The following FAM135B variants were observed in gnomAD, a reference collection of about 807,000 sequenced individuals.
The protein encoded by FAM135B is family with sequence similarity 135 member B.
FAM135B carries 43 observed loss-of-function variants against 127.7 expected under a neutral mutation model. The ratio of observed to expected loss-of-function variants is 0.34; its 90% confidence interval spans 0.26 to 0.43. FAM135B has a LOEUF of 0.43. Ranked by LOEUF, FAM135B falls within the 20% of genes least tolerant of loss-of-function variation. The pLI is 1.00. For missense variants in FAM135B, 1,558 were observed against 1,725.6 expected (o/e 0.90, Z 1.72); for synonymous variants, 670 against 665.1 (o/e 1.01, Z -0.11).
In FAM135B at chr8:138,241,544, CTCAGAGCTAGCAAAGATAACA is replaced by C. The variant is rs1820773529; in HGVS notation, c.669+1377_669+1397del. ...TTGCCACCAGACCTCCTGGCTGGGTCTCAGAGCTAGCAAAGATAACATCACAGGAGAGCCAGCTGAGTGCAT... is the reference window on the plus strand; with the variant it reads ...TTGCCACCAGACCTCCTGGCTGGGTCTCACAGGAGAGCCAGCTGAGTGCAT... On this transcript the variant is annotated intron_variant, in intron 7 of 19. Transcript: ENST00000395297. This position sits in a 1 kb window ranked among gnomAD's most constrained non-coding sequence, Gnocchi z 4.8. 6.6e-6 allele frequency among the ~76,000 whole-genome samples: 1 copy of C among 152,126 alleles called. No homozygotes were observed. The highest frequency in any genetic ancestry group is 1.5e-5 in the Non-Finnish European group (1 of 68,038).
intron 9 of FAM135B, among the ~76,000 whole-genome samples, chr8:138,192,343 A>C (rs1816204738): frequency 6.6e-6 from 1 of 152,208 alleles, no homozygotes; most frequent in Admixed American, 6.5e-5. Context: ...TTTGAAACAA[A>C]GATAGCAGCG....
intron 1 of FAM135B, among the ~76,000 whole-genome samples, chr8:138,402,710 A>G (rs113533570): frequency 0.019 from 2,824 of 152,328 alleles, 75 homozygotes; most frequent in African/African-American, 0.06. Flanking sequence ...TGCTGTTCTC[A>G]GTCACTATAC....
intron 1 of FAM135B, among the ~76,000 whole-genome samples, chr8:138,468,913 C>T (rs1022883347): frequency 2.0e-5 from 3 of 152,028 alleles, no homozygotes; most frequent in African/African-American, 4.8e-5. Flanking sequence ...GGCATGGTGG[C>T]GCATGCCTGT....
At chr8:138,361,277 G>A (rs951908841) in intron 2 of FAM135B, among the ~76,000 whole-genome samples, 4 of 152,066 alleles carry the variant, frequency 2.6e-5, no homozygotes, top group Non-Finnish European at 4.4e-5. Context: ...CTGCTGGTCC[G>A]TGAGCCACCA....
intron 3 of FAM135B, among the ~76,000 whole-genome samples, chr8:138,266,352 C>T (rs1004964266): frequency 3.9e-5 from 6 of 152,018 alleles, no homozygotes; most frequent in African/African-American, 1.4e-4. Context: ...ATGTGCTAAT[C>T]CTATTATGCT....
At chr8:138,444,700 G>C (rs2131561149) in intron 1 of FAM135B, among the ~76,000 whole-genome samples, 1 of 152,126 alleles carries the variant, frequency 6.6e-6, no homozygotes, top group East Asian at 1.9e-4. Flanking sequence ...GAGAAAGCAG[G>C]AAAGATCTAA....
intron 1 of FAM135B, among the ~76,000 whole-genome samples, chr8:138,464,574 T>C (rs1025313919): frequency 7.2e-5 from 11 of 152,124 alleles, no homozygotes; most frequent in African/African-American, 1.2e-4. Flanking sequence ...ACAAAGTGTA[T>C]ATTCTAAGAA....
Position 138,367,858 on chromosome 8 carries a change from A to AC in FAM135B, c.77+48dup, listed in dbSNP as rs746975831. On this transcript the variant is annotated intron_variant, in intron 2 of 19. Coordinates refer to ENST00000395297, the MANE Select transcript of FAM135B (RefSeq NM_015912.4). ...CACCTTCTTCCACGGAAAGAAACAA[A>AC]CAACACACACACACACACACACACA... 7.4e-6 allele frequency: 10 copies of AC among 1,351,394 alleles called. No individual in the cohort carries two copies. In the Admixed American group the frequency reaches 1.6e-4, roughly 22 times the overall value. The allele number at this position is 1,351,394 out of a possible 1,614,324, so 83.7% of individuals were successfully genotyped here. A position where few individuals can be genotyped will look rare whatever the true frequency, so the allele number is the denominator to read the frequency against.
At chr8:138,390,791 C>T (rs1456808847) in intron 1 of FAM135B, among the ~76,000 whole-genome samples, 1 of 152,136 alleles carries the variant, frequency 6.6e-6, no homozygotes, top group Non-Finnish European at 1.5e-5. Context: ...TCTAGACAGG[C>T]CTTTTCCATT....
intron 1 of FAM135B, among the ~76,000 whole-genome samples, chr8:138,405,897 T>A (rs199958726): frequency 2.0e-5 from 3 of 151,972 alleles, no homozygotes; most frequent in Non-Finnish European, 2.9e-5. Flanking sequence ...CTTTTTAATG[T>A]TTGCCATTCT....
chr8:138,431,749 A>T (rs929416900), intron 1 of FAM135B, among the ~76,000 whole-genome samples: 17 of 152,178 alleles, frequency 1.1e-4, no homozygotes, highest in Non-Finnish European at 2.4e-4. Context: ...GGGACTCAGG[A>T]TCCTCGCATC....
At chr8:138,276,250 C>A (rs1021638566) in intron 3 of FAM135B, among the ~76,000 whole-genome samples, 2 of 152,140 alleles carry the variant, frequency 1.3e-5, no homozygotes, top group African/African-American at 4.8e-5. Context: ...TCTGCCTCCC[C>A]ATATGCTTCC....
chr8:138,344,759 TA>T (rs1371016833), intron 2 of FAM135B, among the ~76,000 whole-genome samples: 4 of 152,004 alleles, frequency 2.6e-5, no homozygotes, highest in Non-Finnish European at 4.4e-5. Context: ...GTATTTTTAG[TA>T]GAGACGGGGT....
chr8:138,399,564 C>T (rs1241798961), intron 1 of FAM135B, among the ~76,000 whole-genome samples: 1 of 152,170 alleles, frequency 6.6e-6, no homozygotes, highest in Non-Finnish European at 1.5e-5. Flanking sequence ...CAGACCAAGC[C>T]TTCTTTAGAT....
rs141207832 is a variant in FAM135B at position 138,486,572 on chromosome 8, C to T, written c.-20+10099G>A. On this transcript the variant is annotated intron_variant, in intron 1 of 19. Coordinates refer to ENST00000395297, the MANE Select transcript of FAM135B (RefSeq NM_015912.4). ...TTTCCCAGAAATACTTGGGAGGATA[C>T]GCTGCCAGAGCTGAGTCTACAGTGA... 3.7e-3 allele frequency among the ~76,000 whole-genome samples: 569 copies of T among 152,282 alleles called. 2 individuals are homozygous for T. Among genetic ancestry groups the T allele is most frequent in the African/African-American group, 0.013 (546 of 41,562 alleles).
At chr8:138,307,836 A>G (rs137884829) in intron 3 of FAM135B, among the ~76,000 whole-genome samples, 188 of 152,208 alleles carry the variant, frequency 1.2e-3, no homozygotes, top group African/African-American at 4.4e-3. Flanking sequence ...AGACATCATT[A>G]AAGTCCAAAT....
At chr8:138,282,538 G>A (rs532482760) in intron 3 of FAM135B, among the ~76,000 whole-genome samples, 5 of 152,202 alleles carry the variant, frequency 3.3e-5, no homozygotes, top group Admixed American at 2.0e-4. Flanking sequence ...CAGACACCTC[G>A]CCAAGAAGAT....
chr8:138,330,801 A>G (rs939623778), intron 2 of FAM135B, among the ~76,000 whole-genome samples: 2 of 151,924 alleles, frequency 1.3e-5, no homozygotes, highest in Non-Finnish European at 2.9e-5. Context: ...CAGGCAATCA[A>G]TGATCTCCAG....
At chr8:138,184,438 G>A (rs1050357728) in intron 9 of FAM135B, among the ~76,000 whole-genome samples, 7 of 152,170 alleles carry the variant, frequency 4.6e-5, no homozygotes, top group South Asian at 2.1e-4. Context: ...GATGTGCGAC[G>A]CAAAAGATGA....
Sources: allele counts gnomAD v4.1 joint callset (sites outside exome capture counted in the v4.1 genomes callset), GRCh38; gene constraint gnomAD v4.1.1; non-coding constraint Gnocchi (gnomAD v3.1); transcripts MANE v1.5; gene names NCBI Gene and HGNC (gene_info 2026-07-23, HGNC 2026-07-21).